PCDH9: variants seen among roughly 807,000 people sequenced by gnomAD.
PCDH9 encodes protocadherin-9.
Under a neutral mutation model 70.6 loss-of-function variants are expected in PCDH9, and 24 were observed. The observed-to-expected ratio is 0.34, with a 90% CI of 0.25 to 0.48. The LOEUF (loss-of-function observed/expected upper bound fraction) is 0.48, where lower values mean the gene tolerates loss of function less well. Among genes scored for constraint, PCDH9 ranks in the 20% least tolerant of loss-of-function variants. PCDH9 has a pLI of 0.99. For synonymous variants in PCDH9, 562 were observed against 558.5 expected, an observed-to-expected ratio of 1.01 and a Z score of -0.09; for missense variants, 1,281 against 1,503.6, an observed-to-expected ratio of 0.85 and a Z score of 2.45.
In PCDH9 at chr13:66,494,766, T is replaced by G. The variant is rs539689763; in HGVS notation, c.3340+136444A>C. Among the ~76,000 whole-genome samples the G allele has an allele frequency of 1.2e-4, 18 of 152,304 alleles. No homozygotes were observed. The East Asian group carries it at 3.5e-3, about 29-fold the overall frequency. Reference sequence around the variant, plus strand: ...TGGTTTCATCAAAATATCCATTACATTAAAAATTGTTTTTAATGAGTTGGG... The same window carrying G: ...TGGTTTCATCAAAATATCCATTACAGTAAAAATTGTTTTTAATGAGTTGGG... On this transcript the variant is annotated intron_variant, in intron 4 of 4. Coordinates refer to ENST00000377865, the MANE Select transcript of PCDH9 (RefSeq NM_203487.3).
At chr13:66,779,784 G>A (rs2079959619) in intron 3 of PCDH9, among the ~76,000 whole-genome samples, 1 of 148,106 alleles carries the variant, frequency 6.8e-6, no homozygotes, top group Admixed American at 6.8e-5. Context: ...TTGCGCCACT[G>A]TACTCCAGCC....
intron 2 of PCDH9, chr13:67,221,639 A>G (rs1290704834): frequency 6.6e-6 from 1 of 152,076 alleles, no homozygotes; most frequent in Non-Finnish European, 1.5e-5. Context: ...GAAGTTGTCA[A>G]ATGTAAATGG....
intron 3 of PCDH9, among the ~76,000 whole-genome samples, chr13:66,883,898 A>ATTT (rs539703609): frequency 0.013 from 1,425 of 108,118 alleles, 61 homozygotes; most frequent in African/African-American, 0.051. Context: ...TTGAGCGTTC[A>ATTT]TTTTTTTTTT....
chr13:67,026,668 T>C (rs914461369), intron 2 of PCDH9, among the ~76,000 whole-genome samples: 3 of 152,016 alleles, frequency 2.0e-5, no homozygotes, highest in South Asian at 2.1e-4. Flanking sequence ...GAAAAACCCA[T>C]TGTCTCAGCC....
chr13:66,940,341 T>TTTG (rs146036961), intron 2 of PCDH9, among the ~76,000 whole-genome samples: 25 of 152,112 alleles, frequency 1.6e-4, no homozygotes, highest in Non-Finnish European at 3.1e-4. Context: ...AGTGTAATAT[T>TTTG]TTGTTGTTGT....
At chr13:67,114,315 A>G (rs557098925) in intron 2 of PCDH9, among the ~76,000 whole-genome samples, 217 of 152,326 alleles carry the variant, frequency 1.4e-3, no homozygotes, top group African/African-American at 5.0e-3. Context: ...TTTATACATG[A>G]AAAGAATAAG....
At position 66,654,236 on chromosome 13, in the gene PCDH9, C is replaced by T. The variant is rs2077895413; in HGVS notation, c.3139-22825G>A. On this transcript the variant is annotated intron_variant, in intron 3 of 4. Transcript: ENST00000377865. ...CACAGAAATACAAACTTCAAATGTT[C>T]TCACTTATCTGTGGGAGCTAAAAAT... 2.0e-5 allele frequency among the ~76,000 whole-genome samples: 3 copies of T among 152,064 alleles called. 1 individual carries two copies. In the South Asian group the frequency reaches 6.2e-4, roughly 31 times the overall value.
chr13:66,629,100 G>C (rs2077536381), intron 4 of PCDH9, among the ~76,000 whole-genome samples: 1 of 152,074 alleles, frequency 6.6e-6, no homozygotes, highest in Non-Finnish European at 1.5e-5. Flanking sequence ...CATTATTCTG[G>C]CCAAAAAGTT....
intron 3 of PCDH9, among the ~76,000 whole-genome samples, chr13:66,880,362 A>C (rs2081902132): frequency 6.6e-6 from 1 of 152,166 alleles, no homozygotes; most frequent in Non-Finnish European, 1.5e-5. Context: ...TGTGAATAGC[A>C]ACAACTTCAA....
At chr13:67,003,411 T>C (rs538819344) in intron 2 of PCDH9, among the ~76,000 whole-genome samples, 2 of 152,276 alleles carry the variant, frequency 1.3e-5, no homozygotes, top group Middle Eastern at 3.4e-3. Context: ...CCTTATTCCA[T>C]AGTATGTTTA....
In PCDH9 at chr13:67,225,623, T is replaced by C; in HGVS notation, c.2818A>G (p.Lys940Glu). ...PNSPDLAKHY[K>E]SASPQPAFHL... Reference sequence around the variant, plus strand: ...AAAGCAGGCTGTGGAGAAGCAGATTTGTAGTGCTTGGCCAGGTCAGGACTG... The same window carrying C: ...AAAGCAGGCTGTGGAGAAGCAGATTCGTAGTGCTTGGCCAGGTCAGGACTG... The change falls in exon 2 of 5, where the codon AAA becomes GAA. Residue 940 changes from lysine to glutamate, a missense_variant. Around this residue, in one of 4 missense-constraint regions of PCDH9, gnomAD observed 207 missense variants for 191.8 expected, o/e 1.08. Coordinates refer to ENST00000377865, the MANE Select transcript of PCDH9 (RefSeq NM_203487.3). 6.2e-7 allele frequency: 1 copy of C among 1,614,112 alleles called. No individual in the cohort carries two copies. Among genetic ancestry groups the C allele is most frequent in the African/African-American group, 1.3e-5 (1 of 75,028 alleles).
At chr13:66,595,544 T>C (rs1322415351) in intron 4 of PCDH9, among the ~76,000 whole-genome samples, 1 of 151,730 alleles carries the variant, frequency 6.6e-6, no homozygotes, top group Non-Finnish European at 1.5e-5. Flanking sequence ...CACATTCTAA[T>C]TTAAGGCTTA....
chr13:66,322,396 A>G (rs539482185), intron 4 of PCDH9, among the ~76,000 whole-genome samples: 10 of 152,130 alleles, frequency 6.6e-5, no homozygotes, highest in East Asian at 1.9e-4. Flanking sequence ...AAAGATATCA[A>G]TCAAAAATCT....
intron 3 of PCDH9, among the ~76,000 whole-genome samples, chr13:66,792,698 G>A (rs1442003): frequency 0.96 from 145,372 of 151,560 alleles, 69,803 homozygotes; most frequent in East Asian, 1. Context: ...ACCAAGCCAA[G>A]AAAACCCACC....
intron 2 of PCDH9, among the ~76,000 whole-genome samples, chr13:67,158,344 T>C (rs918326144): frequency 2.6e-5 from 4 of 152,240 alleles, no homozygotes; most frequent in Admixed American, 1.3e-4. Context: ...TGCGAACTTA[T>C]ACTTTCAGAG....
intron 4 of PCDH9, among the ~76,000 whole-genome samples, chr13:66,546,795 C>T (rs2138670221): frequency 6.6e-6 from 1 of 152,224 alleles, no homozygotes; most frequent in South Asian, 2.1e-4. Flanking sequence ...ACATTTTTTA[C>T]TCCTTTGTAC....
At chr13:66,534,204 A>G (rs1473559930) in intron 4 of PCDH9, among the ~76,000 whole-genome samples, 2 of 151,146 alleles carry the variant, frequency 1.3e-5, no homozygotes, top group South Asian at 2.1e-4. Flanking sequence ...ATTTTTTTGT[A>G]AAGAGTCAGA....
At chr13:66,683,352 C>T (rs2078354919) in intron 3 of PCDH9, among the ~76,000 whole-genome samples, 2 of 152,186 alleles carry the variant, frequency 1.3e-5, no homozygotes, top group South Asian at 2.1e-4. Flanking sequence ...TCTAATACCA[C>T]ATTGCCTTCA....
At chr13:66,891,719 A>T (rs1384178931) in intron 3 of PCDH9, among the ~76,000 whole-genome samples, 1 of 152,140 alleles carries the variant, frequency 6.6e-6, no homozygotes, top group East Asian at 1.9e-4. Flanking sequence ...TTTAAAAAAC[A>T]CCATTTCTGA....
Sources: allele counts gnomAD v4.1 joint callset (sites outside exome capture counted in the v4.1 genomes callset), GRCh38; gene constraint gnomAD v4.1.1; regional missense constraint gnomAD v4.1.1; transcripts MANE v1.5; gene names NCBI Gene and HGNC (gene_info 2026-07-23, HGNC 2026-07-21).